The following LRPAP1 variants were observed in gnomAD, a reference collection of about 807,000 sequenced individuals.
The protein encoded by LRPAP1 is alpha-2-macroglobulin receptor-associated protein.
Under a neutral mutation model 39.9 loss-of-function variants are expected in LRPAP1, and 41 were observed. The ratio of observed to expected loss-of-function variants is 1.03; its 90% CI spans 0.80 to 1.33. The LOEUF (loss-of-function observed/expected upper bound fraction) is 1.33, where lower values mean the gene tolerates loss of function less well. LRPAP1 is among the 40% of genes most tolerant of loss of function. LRPAP1 has a pLI of 0.00. For missense variants in LRPAP1, 565 were observed against 482.3 expected, an observed-to-expected ratio of 1.17 and a Z score of -1.61; for synonymous variants, 263 against 212.7, an observed-to-expected ratio of 1.24 and a Z score of -2.06.
chr4:3,525,171 T>A, intron 1 of LRPAP1, 120 bp from the exon 2 acceptor site: 1 of 1,106,914 alleles, frequency 9.0e-7, no homozygotes, highest in Non-Finnish European at 1.4e-6. Context: ...AGAGGTGGAG[T>A]CAGGGTCACT....
At position 3,532,380 on chromosome 4, in the gene LRPAP1, G is replaced by A. The variant is rs200330132; in HGVS notation, c.33C>T (p.Arg11=). The A allele has an allele frequency of 9.1e-5, 145 of 1,591,076 alleles. No individual in the cohort carries two copies. Among genetic ancestry groups the A allele is most frequent in the East Asian group, 4.6e-4 (20 of 43,898 alleles). The change falls in exon 1 of 8, where the codon CGC becomes CGT. Residue 11 remains arginine, a synonymous_variant. Coordinates refer to ENST00000650182, the MANE Select transcript of LRPAP1 (RefSeq NM_002337.4). MAPRRVRSFL[R]GLPALLLLLL... ...GCAGCAGTAGCAGCGCCGGGAGCCCGCGCAGAAACGACCTGACCCTCCGCG... is the reference window on the plus strand; with the variant it reads ...GCAGCAGTAGCAGCGCCGGGAGCCCACGCAGAAACGACCTGACCCTCCGCG...
chr4:3,505,728 C>CGTCT lies in LRPAP1; in HGVS notation c.*7242_*7245dup, dbSNP rs1445169486. On this transcript the variant is annotated 3_prime_UTR_variant, in exon 8 of 8. Transcript: ENST00000650182. ...CCGTCTATACCAGCTACGCCAAGAC[C>CGTCT]GTCTATACCAGCTACCCCAAGACCG... is the stretch of plus-strand genomic sequence containing the variant. Among the ~76,000 whole-genome samples the CGTCT allele has an allele frequency of 6.6e-6, 1 of 152,252 alleles. No individual in the cohort carries two copies. The highest frequency in any genetic ancestry group is 1.5e-5 in the Non-Finnish European group (1 of 68,044).
intron 2 of LRPAP1, among the ~76,000 whole-genome samples, chr4:3,523,387 G>A (rs1439329983): frequency 1.3e-5 from 2 of 152,208 alleles, no homozygotes; most frequent in Non-Finnish European, 2.9e-5. Flanking sequence ...CCCTGCCGCC[G>A]TATCTTGGCT....
At chr4:3,522,579 G>A (rs1729944826) in intron 2 of LRPAP1, among the ~76,000 whole-genome samples, 1 of 46,702 alleles carries the variant, frequency 2.1e-5, no homozygotes, top group Non-Finnish European at 5.1e-5. Context: ...CACACTCCCT[G>A]CCTGGGGAAG....
At chr4:3,524,220 A>T (rs1042481526) in intron 2 of LRPAP1, among the ~76,000 whole-genome samples, 3 of 151,932 alleles carry the variant, frequency 2.0e-5, no homozygotes, top group African/African-American at 7.3e-5. Context: ...AACAGTCGCA[A>T]CTCTGTCATT....
At chr4:3,513,332 G>A (rs1224609335) in intron 7 of LRPAP1, among the ~76,000 whole-genome samples, 5 of 152,170 alleles carry the variant, frequency 3.3e-5, no homozygotes, top group Admixed American at 2.6e-4. Context: ...CTTACTGAAA[G>A]GGTCTCGCTC....
chr4:3,514,007 T>C (rs1729615338), intron 7 of LRPAP1, among the ~76,000 whole-genome samples: 1 of 152,206 alleles, frequency 6.6e-6, no homozygotes, highest in Admixed American at 6.5e-5. Flanking sequence ...CAGGTGAAGC[T>C]AGGTGCACGC....
chr4:3,532,275 C>T lies in LRPAP1; in HGVS notation c.138G>A (p.Pro46=). ...SREKNQPKPS[P]KRESGEEFRM... is the part of the protein sequence containing the mutation. The stretch of plus-strand genomic sequence containing the variant: ...GGAACTCCTCTCCGGACTCGCGTTT[C>T]GGGGACGGCTTGGGCTGGTTCTTCT... Residue 46 remains proline (P), a synonymous_variant, in exon 1 of 8, where the codon CCG becomes CCA. Transcript: ENST00000650182. 3.2e-6 allele frequency: 5 copies of T among 1,557,752 alleles called. No homozygotes were observed. The highest frequency in any genetic ancestry group is 4.3e-6 in the Non-Finnish European group (5 of 1,150,192).
At position 3,507,094 on chromosome 4, in the gene LRPAP1, C is replaced by T. The variant is rs899064619; in HGVS notation, c.*5880G>A. 1 of 152,202 alleles carries T rather than the reference C, an allele frequency of 6.6e-6. No individual in the cohort carries two copies. The highest frequency in any genetic ancestry group is 2.4e-5 in the African/African-American group (1 of 41,460). 9.4% of individuals were successfully genotyped at this position (152,202 alleles called of 1,614,324 possible). A position where few individuals can be genotyped will look rare whatever the true frequency, so the allele number is the denominator to read the frequency against. ...TTTAAATTAGCAGAGCATAGTGATGCATGCCTGTAGTCCCAGCTACTCAGA... is the reference window on the plus strand; with the variant it reads ...TTTAAATTAGCAGAGCATAGTGATGTATGCCTGTAGTCCCAGCTACTCAGA... On this transcript the variant is annotated 3_prime_UTR_variant, in exon 8 of 8. Transcript: ENST00000650182.
chr4:3,511,848 C>T lies in LRPAP1; in HGVS notation c.*1126G>A, dbSNP rs1234498153. 6.9e-6 allele frequency: 1 copy of T among 145,910 alleles called. No individual in the cohort carries two copies. The highest frequency in any genetic ancestry group is 6.8e-5 in the Admixed American group (1 of 14,734). The allele number at this position is 145,910 out of a possible 1,614,324, so 9.0% of individuals were successfully genotyped here. Reference sequence around the variant, plus strand: ...ACGGGAAGGGAACCACGCCCAGAGCCGGACCCGAGCCTCTTCCAGGCTCAG... The same window carrying T: ...ACGGGAAGGGAACCACGCCCAGAGCTGGACCCGAGCCTCTTCCAGGCTCAG... On this transcript the variant is annotated 3_prime_UTR_variant, in exon 8 of 8. Coordinates refer to ENST00000650182, the MANE Select transcript of LRPAP1 (RefSeq NM_002337.4).
chr4:3,515,929 C>T (rs1729679390), intron 6 of LRPAP1, 187 bp downstream of exon 6: 1 of 627,640 alleles, frequency 1.6e-6, no homozygotes, highest in Non-Finnish European at 2.8e-6. Flanking sequence ...GGCCCCGCCC[C>T]TGAAACACGA....
intron 4 of LRPAP1, among the ~76,000 whole-genome samples, chr4:3,518,488 G>C (rs547930991): frequency 6.6e-6 from 1 of 152,184 alleles, no homozygotes; most frequent in African/African-American, 2.4e-5. Context: ...CCTCTCTGCT[G>C]GGTCACCCTC....
At chr4:3,515,924 C>T (rs1456381599) in intron 6 of LRPAP1, 192 bp downstream of exon 6, 10 of 617,008 alleles carry the variant, frequency 1.6e-5, no homozygotes, top group South Asian at 9.9e-5. Flanking sequence ...AGCCTGGCCC[C>T]GCCCCTGAAA....
rs1413506901 is a variant in LRPAP1 at position 3,511,340 on chromosome 4, A to G, written c.*1634T>C. ...TATCCACCCACAATAAAGTGCATTAAAATCAGAGCACAGGACAGTCATGCA... is the reference window on the plus strand; with the variant it reads ...TATCCACCCACAATAAAGTGCATTAGAATCAGAGCACAGGACAGTCATGCA... On this transcript the variant is annotated 3_prime_UTR_variant, in exon 8 of 8. Coordinates refer to ENST00000650182, the MANE Select transcript of LRPAP1 (RefSeq NM_002337.4). 6.6e-6 allele frequency: 1 copy of G among 152,116 alleles called. No individual in the cohort carries two copies. The highest frequency in any genetic ancestry group is 2.4e-5 in the African/African-American group (1 of 41,380). 9.4% of individuals were successfully genotyped at this position (152,116 alleles called of 1,614,324 possible). A position where few individuals can be genotyped will look rare whatever the true frequency, so the allele number is the denominator to read the frequency against.
rs111244551 is a variant in LRPAP1, at chr4:3,518,154, C to T, written c.631G>A (p.Asp211Asn). The T allele has an allele frequency of 3.5e-3, 5,585 of 1,613,456 alleles. 17 individuals are homozygous for T. The highest frequency in any genetic ancestry group is 5.7e-3 in the Admixed American group (342 of 59,992). ...ENVISPSDLS[D>N]IKGSVLHSRH... ...CTGTGCAGGACGCTGCCCTTGATGT[C>T]GCTCAGGTCCGAGGGGCTAATGACG... The change falls in exon 5 of 8, where the codon GAC becomes AAC. Residue 211 changes from aspartate (D) to asparagine (N), a missense_variant. Asp to Asn is a conservative substitution (Grantham distance 23, BLOSUM62 1). Coordinates refer to ENST00000650182, the MANE Select transcript of LRPAP1 (RefSeq NM_002337.4).
At chr4:3,529,259 G>A (rs1176148773) in intron 1 of LRPAP1, among the ~76,000 whole-genome samples, 1 of 152,004 alleles carries the variant, frequency 6.6e-6, no homozygotes, top group African/African-American at 2.4e-5. Flanking sequence ...GGAGGCGGAG[G>A]TTGCAGTGAG....
At chr4:3,517,305 G>A (rs1729742804) in intron 5 of LRPAP1, among the ~76,000 whole-genome samples, 1 of 152,262 alleles carries the variant, frequency 6.6e-6, no homozygotes, top group African/African-American at 2.4e-5. Flanking sequence ...CGAGGCGGTG[G>A]CTCTGCCTGG....
intron 1 of LRPAP1, among the ~76,000 whole-genome samples, chr4:3,531,164 C>G (rs1416648779): frequency 6.6e-6 from 1 of 152,108 alleles, no homozygotes; most frequent in African/African-American, 2.4e-5. Flanking sequence ...CTGAACATTA[C>G]GCCTGGGGCT....
chr4:3,518,239 T>TG, intron 4 of LRPAP1, 47 bp from the exon 5 acceptor site: 1 of 1,571,718 alleles, frequency 6.4e-7, no homozygotes, highest in Non-Finnish European at 8.7e-7. Flanking sequence ...GTCCTCGCAC[T>TG]GCCTGCCCAG....
Sources: gnomAD v4.1 joint callset for allele counts (sites outside exome capture counted in the v4.1 genomes callset) on GRCh38, gnomAD v4.1.1 for gene constraint, MANE v1.5 for transcripts, NCBI Gene and HGNC (gene_info 2026-07-23, HGNC 2026-07-21) for gene names.